Variants in IL10RB observed in about 807,000 individuals in gnomAD.
The protein encoded by IL10RB is interleukin-10 receptor subunit beta.
In IL10RB, 30 loss-of-function variants were observed where a neutral mutation model predicts 38.7. The observed-to-expected ratio is 0.78, with a 90% CI of 0.58 to 1.05. IL10RB has a LOEUF of 1.05. IL10RB is among the 50% of genes least tolerant of loss of function. The probability of loss-of-function intolerance (pLI) is 0.00; values close to 1 mark genes in which losing one functional copy is unlikely to be tolerated. For missense variants in IL10RB, 328 were observed against 397.1 expected, an observed-to-expected ratio of 0.83 and a Z score of 1.48; for synonymous variants, 142 against 145.9, an observed-to-expected ratio of 0.97 and a Z score of 0.19.
intron 2 of IL10RB, among the ~76,000 whole-genome samples, chr21:33,270,805 G>T (rs1486749153): frequency 6.6e-6 from 1 of 151,934 alleles, no homozygotes; most frequent in African/African-American, 2.4e-5. Context: ...CTCCTGAGTA[G>T]CTGGGACTAC....
At chr21:33,268,216 C>T (rs565175979) in intron 1 of IL10RB, 178 bp from the exon 2 acceptor site, 53 of 1,512,926 alleles carry the variant, frequency 3.5e-5, no homozygotes, top group African/African-American at 2.5e-4. Context: ...TTTCTCCTCA[C>T]GGCTGTTCAA....
At chr21:33,277,256 C>T (rs1568905460) in intron 3 of IL10RB, among the ~76,000 whole-genome samples, 1 of 151,382 alleles carries the variant, frequency 6.6e-6, no homozygotes, top group Non-Finnish European at 1.5e-5. Context: ...AAAATTGTTC[C>T]CAGGTTAGGT....
At chr21:33,304,627 G>T (rs764706913) in intron 1 of IL10RB, among the ~76,000 whole-genome samples, 14 of 152,140 alleles carry the variant, frequency 9.2e-5, no homozygotes, top group Non-Finnish European at 2.9e-5. Context: ...TTGAGCATGC[G>T]CACTCTCCTG....
intron 1 of IL10RB, among the ~76,000 whole-genome samples, chr21:33,307,915 G>T (rs966153255): frequency 6.6e-6 from 1 of 152,114 alleles, no homozygotes; most frequent in East Asian, 1.9e-4. Context: ...TTCACTCCTG[G>T]ATCCCCAGCC....
At chr21:33,271,498 G>A (rs1989079980) in intron 2 of IL10RB, among the ~76,000 whole-genome samples, 1 of 152,168 alleles carries the variant, frequency 6.6e-6, no homozygotes, top group Non-Finnish European at 1.5e-5. Flanking sequence ...GGAGGCCGAG[G>A]TGGGTGGATC....
In IL10RB at chr21:33,279,919, G is replaced by A. The variant is rs774371079; in HGVS notation, c.498+1G>A. ...CTGGAAAAACGGTACTGATGAAAAG[G>A]TAAGGTTGGCTAATTGCATTTCAGA... is the stretch of plus-strand genomic sequence containing the variant. On this transcript the variant is annotated splice_donor_variant, in intron 4 of 6. Coordinates refer to ENST00000290200, the MANE Select transcript of IL10RB (RefSeq NM_000628.5). LOFTEE classifies it high-confidence loss of function. 6 of 1,613,116 alleles carry A rather than the reference G, an allele frequency of 3.7e-6. No homozygotes were observed.
At chr21:33,299,238 A>G (rs1169368321), downstream of IL10RB, among the ~76,000 whole-genome samples, 5 of 152,136 alleles carry the variant, frequency 3.3e-5, no homozygotes, top group Non-Finnish European at 7.3e-5. Flanking sequence ...CTGTGACTTC[A>G]ATTTCCTTAG....
intron 1 of IL10RB, among the ~76,000 whole-genome samples, chr21:33,307,061 G>C (rs952735124): frequency 4.6e-5 from 7 of 151,990 alleles, no homozygotes; most frequent in African/African-American, 1.7e-4. Flanking sequence ...GAGGCTGCAG[G>C]CCCCACCGAC....
chr21:33,266,884 A>G (rs1030808991), intron 1 of IL10RB, among the ~76,000 whole-genome samples: 2 of 152,030 alleles, frequency 1.3e-5, no homozygotes, highest in Non-Finnish European at 2.9e-5. Context: ...TCTGGAGACT[A>G]TCAGTTCAAG....
chr21:33,274,242 G>A (rs1386874355), intron 2 of IL10RB, among the ~76,000 whole-genome samples: 2 of 152,140 alleles, frequency 1.3e-5, no homozygotes, highest in African/African-American at 4.8e-5. Context: ...CTGAAGTGCA[G>A]TGGTATGATC....
At chr21:33,274,389 G>A (rs922963802) in intron 2 of IL10RB, among the ~76,000 whole-genome samples, 1 of 151,954 alleles carries the variant, frequency 6.6e-6, no homozygotes, top group African/African-American at 2.4e-5. Flanking sequence ...GGCCAGGCTG[G>A]TCTCGAACTC....
At chr21:33,284,697 G>C (rs77629001) in intron 5 of IL10RB, among the ~76,000 whole-genome samples, 1,790 of 152,204 alleles carry the variant, frequency 0.012, 37 homozygotes, top group African/African-American at 0.041. Context: ...GTCCTCCCGA[G>C]AGTGAGTGAC....
intron 3 of IL10RB, among the ~76,000 whole-genome samples, chr21:33,279,359 T>A (rs1989237900): frequency 6.6e-6 from 1 of 152,130 alleles, no homozygotes; most frequent in South Asian, 2.1e-4. Flanking sequence ...AGAGATGCCA[T>A]CTGTAGCTTC....
rs1263930038 is a variant in IL10RB at position 33,288,364 on chromosome 21, AAC to A, written c.804+110_804+111del. The A allele has an allele frequency of 2.8e-3, 2,578 of 925,822 alleles. 10 individuals carry two copies. Among genetic ancestry groups the A allele is most frequent in the Non-Finnish European group, 3.7e-3 (2,129 of 575,970 alleles). 57.4% of individuals were successfully genotyped at this position (925,822 alleles called of 1,614,324 possible). The stretch of plus-strand genomic sequence containing the variant: ...TTCCAGACAACATGTTTTCCAGGAA[AAC>A]ACACACGCGCGCGCGCACACACACA... On this transcript the variant is annotated intron_variant, in intron 6 of 6. Transcript: ENST00000290200.
intron 5 of IL10RB, 33 bp downstream of exon 5, chr21:33,283,274 C>G: frequency 6.2e-7 from 1 of 1,609,506 alleles, no homozygotes. Context: ...GCTAAGCATC[C>G]TAAACAGCTT....
chr21:33,288,072 CAAG>C, intron 5 of IL10RB, 29 bp from the exon 6 acceptor site: 1 of 1,611,232 alleles, frequency 6.2e-7, no homozygotes. Flanking sequence ...CGACCTGTGA[CAAG>C]AATGTAACAT....
chr21:33,299,191 C>T (rs1264319915), downstream of IL10RB, among the ~76,000 whole-genome samples: 1 of 152,110 alleles, frequency 6.6e-6, no homozygotes, highest in African/African-American at 2.4e-5. Context: ...ACTGTTAAAC[C>T]CAGTTTTTGT....
chr21:33,283,242 G>T lies in IL10RB; in HGVS notation c.646+1G>T. The T allele has an allele frequency of 6.2e-7, 1 of 1,613,538 alleles. No individual in the cohort carries two copies. Among genetic ancestry groups the T allele is most frequent in the Non-Finnish European group, 8.5e-7 (1 of 1,179,974 alleles). ...GTCTGTGAGCAAACAACCCATGACG[G>T]TAAGCCCTGAGATGCACCTCCGCTA... is the stretch of plus-strand genomic sequence containing the variant. On this transcript the variant is annotated splice_donor_variant, in intron 5 of 6. Coordinates refer to ENST00000290200, the MANE Select transcript of IL10RB (RefSeq NM_000628.5). LOFTEE classifies it high-confidence loss of function.
chr21:33,304,635 C>T (rs938527982), intron 1 of IL10RB, among the ~76,000 whole-genome samples: 25 of 152,202 alleles, frequency 1.6e-4, no homozygotes, highest in African/African-American at 6.0e-4. Context: ...GCGCACTCTC[C>T]TGGGGATTTT....
Sources: allele counts gnomAD v4.1 joint callset (sites outside exome capture counted in the v4.1 genomes callset), GRCh38; gene constraint gnomAD v4.1.1; transcripts MANE v1.5; gene names NCBI Gene and HGNC (gene_info 2026-07-23, HGNC 2026-07-21).